The following RYR3 variants were observed in gnomAD, a reference collection of about 807,000 sequenced individuals.
RYR3 encodes the protein ryanodine receptor 3.
Under a neutral mutation model 584.3 loss-of-function variants are expected in RYR3, and 207 were observed. The ratio of observed to expected loss-of-function variants is 0.35; its 90% CI spans 0.32 to 0.40. The LOEUF (loss-of-function observed/expected upper bound fraction) is 0.40, where lower values mean the gene tolerates loss of function less well. Among genes scored for constraint, RYR3 ranks in the 10% least tolerant of loss-of-function variants. The pLI is 1.00. For synonymous variants in RYR3, 2,416 were observed against 2,248.5 expected (o/e 1.07, Z -2.11); for missense variants, 5,616 against 6,089.2 (o/e 0.92, Z 2.59).
chr15:33,753,352 A>G (rs796929543), intron 57 of RYR3, among the ~76,000 whole-genome samples: 2 of 152,242 alleles, frequency 1.3e-5, no homozygotes, highest in Non-Finnish European at 2.9e-5. Context: ...GAGAGATTGA[A>G]TGCATCATGA....
Position 33,479,151 on chromosome 15 carries a change from A to G in RYR3, c.171+5613A>G, listed in dbSNP as rs140716846. On this transcript the variant is annotated intron_variant, in intron 2 of 103. Transcript: ENST00000634891. Reference sequence around the variant, plus strand: ...AGAGTTATGTAGGCTCTGAAGACCCAGGATTAAACATTAGCTGTTGTACAA... The same window carrying G: ...AGAGTTATGTAGGCTCTGAAGACCCGGGATTAAACATTAGCTGTTGTACAA... Among the ~76,000 whole-genome samples, 512 of 152,354 alleles carry G rather than the reference A, an allele frequency of 3.4e-3. 2 individuals are homozygous for G. The highest frequency in any genetic ancestry group is 0.01 in the Middle Eastern group (3 of 294).
At chr15:33,486,816 G>A (rs1252420921) in intron 2 of RYR3, among the ~76,000 whole-genome samples, 1 of 152,124 alleles carries the variant, frequency 6.6e-6, no homozygotes, top group East Asian at 1.9e-4. Flanking sequence ...CTGTGATTAG[G>A]AAGTCCCCAA....
intron 1 of RYR3, among the ~76,000 whole-genome samples, chr15:33,351,804 T>G (rs1459133956): frequency 2.0e-5 from 3 of 150,480 alleles, no homozygotes; most frequent in African/African-American, 7.3e-5. Flanking sequence ...GCCAATATCA[T>G]ACTGAATGGG....
chr15:33,431,090 A>G (rs1014763225), intron 1 of RYR3, among the ~76,000 whole-genome samples: 12 of 152,240 alleles, frequency 7.9e-5, no homozygotes, highest in African/African-American at 2.9e-4. Flanking sequence ...TAACTGACAC[A>G]TTGCTTGTGG....
chr15:33,651,439 G>C (rs1222703909), intron 31 of RYR3, among the ~76,000 whole-genome samples: 1 of 152,200 alleles, frequency 6.6e-6, no homozygotes, highest in Non-Finnish European at 1.5e-5. Flanking sequence ...CTGCCTGAGG[G>C]CATTCACAGG....
rs1489383532 is a variant in RYR3 at position 33,479,561 on chromosome 15, T to TC, written c.171+6024dup. On this transcript the variant is annotated intron_variant, in intron 2 of 103. Transcript: ENST00000634891. Reference sequence around the variant, plus strand: ...GTAATGCCGTGGGTGCCTACTGCTTTCATTTACTCTTTATGACTCTATAAA... The same window carrying TC: ...GTAATGCCGTGGGTGCCTACTGCTTTCCATTTACTCTTTATGACTCTATAAA... Among the ~76,000 whole-genome samples, 3 of 151,956 alleles carry TC rather than the reference T, an allele frequency of 2.0e-5. No individual in the cohort carries two copies. The East Asian group carries it at 5.8e-4, about 29-fold the overall frequency.
intron 3 of RYR3, among the ~76,000 whole-genome samples, chr15:33,508,229 T>TA: frequency 6.6e-6 from 1 of 152,154 alleles, no homozygotes. Context: ...ATGGTATTTA[T>TA]AAAAATATAA....
chr15:33,737,961 G>T (rs2069666036), intron 49 of RYR3, among the ~76,000 whole-genome samples: 1 of 152,084 alleles, frequency 6.6e-6, no homozygotes, highest in Non-Finnish European at 1.5e-5. Flanking sequence ...CACGGGGAGT[G>T]GGGGCAAGGA....
intron 1 of RYR3, among the ~76,000 whole-genome samples, chr15:33,456,542 G>T (rs1400146650): frequency 1.3e-5 from 2 of 152,114 alleles, no homozygotes; most frequent in Non-Finnish European, 2.9e-5. Context: ...GAATTCCTGA[G>T]AGGTTTGGAA....
intron 74 of RYR3, chr15:33,815,500 A>G (rs2076768742): frequency 5.4e-6 from 1 of 183,658 alleles, no homozygotes; most frequent in Non-Finnish European, 1.1e-5. Context: ...AGATATTAGT[A>G]CCATCCTTAC....
At chr15:33,712,652 G>C (rs1298548824) in intron 43 of RYR3, among the ~76,000 whole-genome samples, 1 of 152,098 alleles carries the variant, frequency 6.6e-6, no homozygotes, top group Non-Finnish European at 1.5e-5. Context: ...GCATGAAAAA[G>C]AAAAATGTGG....
intron 3 of RYR3, among the ~76,000 whole-genome samples, chr15:33,516,403 G>T (rs11856280): frequency 1.7e-4 from 26 of 151,582 alleles, no homozygotes; most frequent in African/African-American, 5.8e-4. Flanking sequence ...GCGTGCAGTG[G>T]TGCAGTCTCT....
chr15:33,564,480 C>A (rs1022977833), intron 11 of RYR3, among the ~76,000 whole-genome samples: 4 of 152,140 alleles, frequency 2.6e-5, no homozygotes, highest in African/African-American at 9.7e-5. Flanking sequence ...GAGGGCTGCA[C>A]GCTGGGAATA....
chr15:33,593,269 T>C (rs1325435170), intron 16 of RYR3, among the ~76,000 whole-genome samples: 3 of 152,090 alleles, frequency 2.0e-5, no homozygotes, highest in South Asian at 2.1e-4. Context: ...CTTTTCTGTT[T>C]TTTTAATCTT....
In RYR3 at chr15:33,566,739, A is replaced by G; in HGVS notation, c.1208A>G (p.Glu403Gly). 1.2e-6 allele frequency: 2 copies of G among 1,613,734 alleles called. No homozygotes were observed. The highest frequency in any genetic ancestry group is 1.7e-6 in the Non-Finnish European group (2 of 1,179,654). ...TTAACACTGCAGAGATGCCAGCGTGAGGAGTCCCAGGCTGCTCGGATCATC... is the reference window on the plus strand; with the variant it reads ...TTAACACTGCAGAGATGCCAGCGTGGGGAGTCCCAGGCTGCTCGGATCATC... ...DGLTLQRCQR[E>G]ESQAARIIRN... The change falls in exon 12 of 104, where the codon GAG (glutamate) becomes GGG (glycine). Residue 403 changes from glutamate (E) to glycine (G), a missense_variant. This residue lies in a region of RYR3 where 1,284 missense variants were observed against 1,344.6 expected (regional missense o/e 0.95). Coordinates refer to ENST00000634891, the MANE Select transcript of RYR3 (RefSeq NM_001036.6).
In RYR3 at chr15:33,838,356, A is replaced by G. The variant is rs1297828437; in HGVS notation, c.12376A>G (p.Ile4126Val). 2.5e-6 allele frequency: 4 copies of G among 1,614,002 alleles called. No individual in the cohort carries two copies. Among genetic ancestry groups the G allele is most frequent in the African/African-American group, 2.7e-5 (2 of 75,040 alleles). ...TGAAGATTCTTCTTACGTGTTAGAA[A>G]TTGCGGGTGAAGAGGAAGAAGACGG... is the stretch of plus-strand genomic sequence containing the variant. Reference protein sequence around the residue: ...EDEDSSYVLEIAGEEEEDGSL... With the variant: ...EDEDSSYVLEVAGEEEEDGSL... The change falls in exon 89 of 104, where the codon ATT (isoleucine) becomes GTT (valine). Residue 4126 changes from isoleucine to valine, a missense_variant. Transcript: ENST00000634891.
chr15:33,832,120 C>A (rs2077715295), intron 86 of RYR3, among the ~76,000 whole-genome samples: 1 of 151,890 alleles, frequency 6.6e-6, no homozygotes, highest in African/African-American at 2.4e-5. Context: ...ATGGTGCAAT[C>A]TCGTCTCTAC....
chr15:33,361,996 G>A (rs1462727422), intron 1 of RYR3, among the ~76,000 whole-genome samples: 1 of 152,172 alleles, frequency 6.6e-6, no homozygotes, highest in African/African-American at 2.4e-5. Context: ...ACTGGAGGCC[G>A]GCTAAGTTGC....
At chr15:33,685,327 C>T (rs1297455635) in intron 38 of RYR3, among the ~76,000 whole-genome samples, 1 of 152,094 alleles carries the variant, frequency 6.6e-6, no homozygotes, top group East Asian at 1.9e-4. Flanking sequence ...TTTAAACCAA[C>T]AAAGATCAAA....
Sources: allele counts gnomAD v4.1 joint callset (sites outside exome capture counted in the v4.1 genomes callset), GRCh38; gene constraint gnomAD v4.1.1; regional missense constraint gnomAD v4.1.1; transcripts MANE v1.5; gene names NCBI Gene and HGNC (gene_info 2026-07-23, HGNC 2026-07-21).